EXO1: variants seen among roughly 807,000 people sequenced by gnomAD.
The protein encoded by EXO1 is exonuclease 1.
A neutral mutation model predicts 84.5 loss-of-function variants in EXO1; 69 were observed. The ratio of observed to expected loss-of-function variants is 0.82; its 90% confidence interval spans 0.67 to 1.00. EXO1 has a LOEUF of 1.00. Ranked by LOEUF, EXO1 falls within the 50% of genes least tolerant of loss-of-function variation. The pLI, the probability that EXO1 is intolerant of heterozygous loss-of-function variation, is 0.00. For synonymous variants in EXO1, 373 were observed against 366.1 expected (o/e 1.02, Z -0.21); for missense variants, 1,045 against 1,000.7 (o/e 1.04, Z -0.60).
chr1:241,880,606 T>C (rs1167921688), intron 13 of EXO1, among the ~76,000 whole-genome samples: 1 of 152,234 alleles, frequency 6.6e-6, no homozygotes, highest in African/African-American at 2.4e-5. Context: ...TCCTCTCTCT[T>C]GCTGCCAGAT....
intron 8 of EXO1, among the ~76,000 whole-genome samples, chr1:241,859,678 G>A (rs1661262795): frequency 6.6e-6 from 1 of 152,090 alleles, no homozygotes; most frequent in Non-Finnish European, 1.5e-5. Flanking sequence ...CAAGCATTTT[G>A]GATAATGTGT....
intron 10 of EXO1, among the ~76,000 whole-genome samples, chr1:241,863,962 G>T (rs933656850): frequency 6.6e-6 from 1 of 152,046 alleles, no homozygotes; most frequent in East Asian, 1.9e-4. Context: ...CTCTTTAATT[G>T]TACTTTTTTT....
intron 12 of EXO1, among the ~76,000 whole-genome samples, chr1:241,873,014 C>T (rs1662200310): frequency 6.6e-6 from 1 of 151,976 alleles, no homozygotes; most frequent in Non-Finnish European, 1.5e-5. Flanking sequence ...TCTCCAGCAT[C>T]TGTTGTTTCC....
At chr1:241,852,621 A>G (rs553571134) in intron 5 of EXO1, among the ~76,000 whole-genome samples, 3 of 152,178 alleles carry the variant, frequency 2.0e-5, no homozygotes, top group South Asian at 4.2e-4. Flanking sequence ...GAGCCACTGT[A>G]CTCCAGCCTG....
At chr1:241,877,490 C>A (rs1001334031) in intron 12 of EXO1, among the ~76,000 whole-genome samples, 1 of 152,012 alleles carries the variant, frequency 6.6e-6, no homozygotes, top group Non-Finnish European at 1.5e-5. Context: ...CTTCCTGCCC[C>A]CTCCCCATAC....
Position 241,855,145 on chromosome 1 carries a change from G to C in EXO1, c.405+1664G>C, listed in dbSNP as rs527880089. ...CTAAGTGGGTTGCCACTGCTGGCTGGGGCAGCCAGCTTTTATTCTCTTATC... is the reference window on the plus strand; with the variant it reads ...CTAAGTGGGTTGCCACTGCTGGCTGCGGCAGCCAGCTTTTATTCTCTTATC... On this transcript the variant is annotated intron_variant, in intron 6 of 15. Transcript: ENST00000366548. 3.9e-5 allele frequency among the ~76,000 whole-genome samples: 6 copies of C among 152,254 alleles called. No individual in the cohort carries two copies. The East Asian group carries it at 1.2e-3, about 29-fold the overall frequency.
intron 11 of EXO1, among the ~76,000 whole-genome samples, chr1:241,867,275 C>T (rs373669469): frequency 2.2e-3 from 333 of 152,254 alleles, no homozygotes; most frequent in African/African-American, 7.8e-3. Context: ...CTGGGGAGGC[C>T]TCACAATTAT....
intron 6 of EXO1, among the ~76,000 whole-genome samples, chr1:241,855,677 G>A (rs2995540): frequency 2.6e-5 from 4 of 152,172 alleles, no homozygotes; most frequent in South Asian, 2.1e-4. Flanking sequence ...GCCCACGGAG[G>A]GGGTGGGAGG....
chr1:241,880,592 T>G (rs1662697396), intron 13 of EXO1, among the ~76,000 whole-genome samples: 2 of 152,148 alleles, frequency 1.3e-5, no homozygotes, highest in Non-Finnish European at 2.9e-5. Flanking sequence ...AATAATTCAT[T>G]AAGTCCTCTC....
rs572318122 is a variant in EXO1, at chr1:241,880,782, G to C, written c.2110-1134G>C. Among the ~76,000 whole-genome samples the C allele has an allele frequency of 1.2e-4, 19 of 152,240 alleles. No homozygotes were observed. The South Asian group carries it at 3.7e-3, about 30-fold the overall frequency. Reference sequence around the variant, plus strand: ...TTTATCCTATAGTTCAGAAGAAAATGCTTCAATATTTGAGCCTTCTGTCGG... The same window carrying C: ...TTTATCCTATAGTTCAGAAGAAAATCCTTCAATATTTGAGCCTTCTGTCGG... On this transcript the variant is annotated intron_variant, in intron 13 of 15. Coordinates refer to ENST00000366548, the MANE Select transcript of EXO1 (RefSeq NM_130398.4).
intron 10 of EXO1, among the ~76,000 whole-genome samples, chr1:241,864,165 C>T (rs1007228984): frequency 6.6e-6 from 1 of 152,126 alleles, no homozygotes; most frequent in African/African-American, 2.4e-5. Context: ...ATGAGTGGGG[C>T]TTATGATGTT....
Position 241,850,430 on chromosome 1 carries a change from G to A in EXO1, c.5G>A (p.Gly2Glu). 1 of 1,613,074 alleles carries A rather than the reference G, an allele frequency of 6.2e-7. No homozygotes were observed. The highest frequency in any genetic ancestry group is 8.5e-7 in the Non-Finnish European group (1 of 1,179,162). Residue 2 changes from glycine to glutamate, a missense_variant, in exon 4 of 16, where the codon GGG becomes GAG. Physicochemically the swap from Gly to Glu is moderately conservative, Grantham distance 98 (BLOSUM62 -2). Coordinates refer to ENST00000366548, the MANE Select transcript of EXO1 (RefSeq NM_130398.4). M[G>E]IQGLLQFIKE... ...TCAGGTAGTTAATTTGGCACCATGG[G>A]GATACAGGGATTGCTACAATTTATC...
At chr1:241,862,189 C>T (rs563123706) in intron 10 of EXO1, among the ~76,000 whole-genome samples, 1 of 152,318 alleles carries the variant, frequency 6.6e-6, no homozygotes, top group East Asian at 1.9e-4. Context: ...CTGCCCACCT[C>T]GGCCTCCCAA....
In EXO1 at chr1:241,852,531, G is replaced by A. The variant is rs1660731929; in HGVS notation, c.281+120G>A. 3.5e-6 allele frequency: 3 copies of A among 867,420 alleles called. No individual in the cohort carries two copies. The South Asian group carries it at 4.1e-5, about 12-fold the overall frequency. 53.7% of individuals were successfully genotyped at this position (867,420 alleles called of 1,614,324 possible). Reference sequence around the variant, plus strand: ...TCAGTGGCTTGCACCTGTTGTCCTAGGTACTCGGGAGGTTGAGGCAAGAGG... The same window carrying A: ...TCAGTGGCTTGCACCTGTTGTCCTAAGTACTCGGGAGGTTGAGGCAAGAGG... On this transcript the variant is annotated intron_variant, in intron 5 of 15. Transcript: ENST00000366548.
chr1:241,882,008 A>G lies in EXO1; in HGVS notation c.2202A>G (p.Leu734=). 4 of 1,478,450 alleles carry G rather than the reference A, an allele frequency of 2.7e-6. No individual in the cohort carries two copies. Among genetic ancestry groups the G allele is most frequent in the Non-Finnish European group, 3.8e-6 (4 of 1,057,900 alleles). The allele number at this position is 1,478,450 out of a possible 1,614,324, so 91.6% of individuals were successfully genotyped here. ...ATTTCTCAAAAAAAGACACACCTCT[A>G]AGGAACAAGGTAAAACATTTATTTA... ...LSHFSKKDTP[L]RNKVPGLYKS... is the part of the protein sequence containing the mutation. Residue 734 remains leucine (L), a synonymous_variant, in exon 14 of 16, where the codon CTA becomes CTG. Transcript: ENST00000366548.
rs1292347538 is a variant in EXO1 at position 241,878,857 on chromosome 1, G to A, written c.1623G>A (p.Glu541=). 1 of 1,614,062 alleles carries A rather than the reference G, an allele frequency of 6.2e-7. No individual in the cohort carries two copies. Among genetic ancestry groups the A allele is most frequent in the Admixed American group, 1.7e-5 (1 of 60,020 alleles). Residue 541 remains glutamate (E), a synonymous_variant, in exon 13 of 16, where the codon GAG becomes GAA. Transcript: ENST00000366548. The stretch of plus-strand genomic sequence containing the variant: ...AAGAGAACAATCTGCATGAATCAGA[G>A]TATGGAGACCAAGAAGGCAAGAGAC... ...TDKENNLHES[E]YGDQEGKRLV... is the part of the protein sequence containing the mutation.
intron 12 of EXO1, among the ~76,000 whole-genome samples, chr1:241,874,990 G>GTTTTTTAT (rs1558139639): frequency 6.6e-6 from 1 of 152,062 alleles, no homozygotes; most frequent in African/African-American, 2.4e-5. Context: ...TGTTTTTCAA[G>GTTTTTTAT]TTTTTTATTT....
chr1:241,871,919 T>TTG (rs1450143073), intron 11 of EXO1, 113 bp from the exon 12 acceptor site: 1 of 731,790 alleles, frequency 1.4e-6, no homozygotes, highest in Admixed American at 3.1e-5. Flanking sequence ...TAGTTTTTTT[T>TTG]TTTTTTTTTT....
At chr1:241,864,632 C>A (rs961151241) in intron 10 of EXO1, among the ~76,000 whole-genome samples, 6 of 152,196 alleles carry the variant, frequency 3.9e-5, no homozygotes, top group Non-Finnish European at 7.3e-5. Flanking sequence ...TTGAGCCTTT[C>A]TCCAGGTTTC....
Sources: gnomAD v4.1 joint callset for allele counts (sites outside exome capture counted in the v4.1 genomes callset) on GRCh38, gnomAD v4.1.1 for gene constraint, MANE v1.5 for transcripts, NCBI Gene and HGNC (gene_info 2026-07-23, HGNC 2026-07-21) for gene names.